Variants in PRKN observed in about 807,000 individuals in gnomAD.
PRKN encodes the protein parkin RBR E3 ubiquitin protein ligase, also known as E3 ubiquitin-protein ligase parkin.
Under a neutral mutation model 59.5 loss-of-function variants are expected in PRKN, and 56 were observed. That is an observed-to-expected ratio of 0.94 (90% CI 0.76 to 1.18). The LOEUF (loss-of-function observed/expected upper bound fraction) is 1.18. Ranked by LOEUF, PRKN falls within the 50% of genes most tolerant of loss-of-function variation. The pLI is 0.00. For synonymous variants in PRKN, 250 were observed against 222.1 expected, an observed-to-expected ratio of 1.13 and a Z score of -1.12; for missense variants, 657 against 596.4, an observed-to-expected ratio of 1.10 and a Z score of -1.06.
chr6:162,685,905 T>C (rs1291238526), intron 1 of PRKN, among the ~76,000 whole-genome samples: 4 of 152,164 alleles, frequency 2.6e-5, no homozygotes, highest in South Asian at 4.1e-4. Flanking sequence ...TCGCCCATCA[T>C]TAACGTGTGC....
chr6:162,246,659 A>C (rs1779210900), intron 3 of PRKN, among the ~76,000 whole-genome samples: 1 of 152,154 alleles, frequency 6.6e-6, no homozygotes, highest in African/African-American at 2.4e-5. Flanking sequence ...CTCATTTTTC[A>C]GTGTTAAATA....
intron 9 of PRKN, among the ~76,000 whole-genome samples, chr6:161,437,292 T>A (rs1210666476): frequency 6.6e-6 from 1 of 152,150 alleles, no homozygotes; most frequent in Non-Finnish European, 1.5e-5. Context: ...GGCTACTAAG[T>A]GACTTCTGGG....
At chr6:161,968,399 A>G (rs1035172454) in intron 6 of PRKN, among the ~76,000 whole-genome samples, 4 of 151,904 alleles carry the variant, frequency 2.6e-5, no homozygotes, top group Non-Finnish European at 5.9e-5. Context: ...GGAAGCCTAG[A>G]GGTGGTTAGT....
intron 1 of PRKN, among the ~76,000 whole-genome samples, chr6:162,692,544 G>A (rs931237574): frequency 2.0e-5 from 3 of 147,690 alleles, no homozygotes; most frequent in East Asian, 2.1e-4. Flanking sequence ...AGTTACCCAC[G>A]TAGGTGTTCC....
At chr6:161,443,498 A>C (rs1010795362) in intron 9 of PRKN, among the ~76,000 whole-genome samples, 8 of 152,128 alleles carry the variant, frequency 5.3e-5, no homozygotes, top group African/African-American at 1.9e-4. Flanking sequence ...TACTCACGCA[A>C]TGCCCGCTGG....
intron 2 of PRKN, among the ~76,000 whole-genome samples, chr6:162,380,427 A>G (rs12193481): frequency 1.5e-4 from 19 of 128,292 alleles, no homozygotes; most frequent in African/African-American, 2.8e-4. Context: ...ACATATATAT[A>G]TGTGTGTATA....
chr6:162,570,520 GT>G (rs1365374430), intron 1 of PRKN, among the ~76,000 whole-genome samples: 1 of 152,222 alleles, frequency 6.6e-6, no homozygotes, highest in African/African-American at 2.4e-5. Flanking sequence ...GCACTCCTAT[GT>G]TTGCTAAAGC....
chr6:162,621,218 G>C (rs1166293975), intron 1 of PRKN, among the ~76,000 whole-genome samples: 7 of 152,202 alleles, frequency 4.6e-5, no homozygotes, highest in African/African-American at 1.7e-4. Context: ...AGCCCTTCCC[G>C]GGTTCTCTGG....
chr6:162,227,931 A>G (rs1365706426), intron 3 of PRKN, among the ~76,000 whole-genome samples: 1 of 140,124 alleles, frequency 7.1e-6, no homozygotes, highest in Admixed American at 6.9e-5. Flanking sequence ...CAGTAGTTCC[A>G]TTAAAAAAAA....
In PRKN at chr6:161,471,131, G is replaced by C. The variant is rs1790773618; in HGVS notation, c.1083+77723C>G. 6.6e-6 allele frequency among the ~76,000 whole-genome samples: 1 copy of C among 152,192 alleles called. No individual in the cohort carries two copies. The highest frequency in any genetic ancestry group is 6.5e-5 in the Admixed American group (1 of 15,280). The stretch of plus-strand genomic sequence containing the variant: ...CACTTGTCTTCTTATCCCAGGTCCT[G>C]CAAATGTTAGGACTGGACTAACCAC... On this transcript the variant is annotated intron_variant, in intron 9 of 11. Transcript: ENST00000366898. The surrounding 1 kb of genome is among the most constrained non-coding windows in gnomAD (Gnocchi z 4.5).
intron 6 of PRKN, among the ~76,000 whole-genome samples, chr6:161,936,268 G>A (rs1447424289): frequency 6.7e-6 from 1 of 150,350 alleles, no homozygotes; most frequent in Non-Finnish European, 1.5e-5. Context: ...GGAGTGCAGT[G>A]GTGTGATCTC....
At chr6:162,465,154 G>T (rs774564077) in intron 1 of PRKN, among the ~76,000 whole-genome samples, 2 of 152,118 alleles carry the variant, frequency 1.3e-5, no homozygotes, top group Non-Finnish European at 2.9e-5. Flanking sequence ...TCACTTCTAT[G>T]AACATTTTAA....
At chr6:161,811,472 G>A (rs530819348) in intron 6 of PRKN, among the ~76,000 whole-genome samples, 1 of 152,268 alleles carries the variant, frequency 6.6e-6, no homozygotes, top group African/African-American at 2.4e-5. Flanking sequence ...AGCTCAACGG[G>A]AGAGGGCTGG....
chr6:161,745,940 G>A (rs1156627704), intron 7 of PRKN, among the ~76,000 whole-genome samples: 1 of 152,234 alleles, frequency 6.6e-6, no homozygotes, highest in Non-Finnish European at 1.5e-5. Flanking sequence ...CTTGCTCAGA[G>A]GATCCTGGGT....
At chr6:162,607,216 G>T (rs1781956979) in intron 1 of PRKN, among the ~76,000 whole-genome samples, 1 of 152,134 alleles carries the variant, frequency 6.6e-6, no homozygotes, top group Admixed American at 6.5e-5. Flanking sequence ...TGCTAGTTAT[G>T]AATGCCATGG....
chr6:162,422,470 T>C (rs1789019529), intron 2 of PRKN, among the ~76,000 whole-genome samples: 2 of 152,188 alleles, frequency 1.3e-5, no homozygotes, highest in African/African-American at 2.4e-5. Flanking sequence ...GTCTTGCATG[T>C]AGAGCTCTCA....
At chr6:161,651,002 T>C (rs779183368) in intron 7 of PRKN, among the ~76,000 whole-genome samples, 2 of 152,258 alleles carry the variant, frequency 1.3e-5, no homozygotes, top group Non-Finnish European at 2.9e-5. Flanking sequence ...TTTGTGTCTC[T>C]GGTAATATGC....
At chr6:162,522,281 G>A (rs1342617739) in intron 1 of PRKN, among the ~76,000 whole-genome samples, 1 of 152,110 alleles carries the variant, frequency 6.6e-6, no homozygotes. Context: ...AGACAACCAT[G>A]CCCGGCTAAT....
At chr6:161,854,151 A>C (rs973587588) in intron 6 of PRKN, among the ~76,000 whole-genome samples, 28 of 151,780 alleles carry the variant, frequency 1.8e-4, no homozygotes, top group African/African-American at 6.8e-4. Flanking sequence ...GCTACCCAGG[A>C]AGCCAAGGCA....
Sources: allele counts gnomAD v4.1 joint callset (sites outside exome capture counted in the v4.1 genomes callset), GRCh38; gene constraint gnomAD v4.1.1; non-coding constraint Gnocchi (gnomAD v3.1); transcripts MANE v1.5; gene names NCBI Gene and HGNC (gene_info 2026-07-23, HGNC 2026-07-21).